FGF13: variants seen among roughly 807,000 people sequenced by gnomAD.
FGF13 encodes the protein fibroblast growth factor 13.
A neutral mutation model predicts 19.5 loss-of-function variants in FGF13; 2 were observed. The ratio of observed to expected loss-of-function variants is 0.10; its 90% CI spans 0.04 to 0.32. FGF13 has a LOEUF of 0.32. Ranked by LOEUF, FGF13 falls within the 10% of genes least tolerant of loss-of-function variation. The pLI, the probability that FGF13 is intolerant of heterozygous loss-of-function variation, is 1.00. For missense variants in FGF13, 113 were observed against 192.7 expected, an observed-to-expected ratio of 0.59 and a Z score of 2.45; for synonymous variants, 72 against 76.9, an observed-to-expected ratio of 0.94 and a Z score of 0.33.
intron 1 of FGF13, among the ~76,000 whole-genome samples, chrX:139,048,035 TC>T (rs1163975617): frequency 9.0e-6 from 1 of 111,312 alleles, no homozygotes; most frequent in East Asian, 2.8e-4. Flanking sequence ...AGATTTTTTT[TC>T]TTTAAAGAAC....
At chrX:139,093,934 T>C (rs989583483) in intron 1 of FGF13, among the ~76,000 whole-genome samples, 1 of 112,192 alleles carries the variant, frequency 8.9e-6, no homozygotes, top group Admixed American at 9.4e-5. Context: ...AGGGTTTTTA[T>C]CTCTATCAAC....
At chrX:139,159,672 A>AAAG (rs1219992690) in intron 1 of FGF13, among the ~76,000 whole-genome samples, 16 of 109,166 alleles carry the variant, frequency 1.5e-4, no homozygotes, top group African/African-American at 4.7e-4. Context: ...AAAAAAAAAA[A>AAAG]CAGTGTGGGT....
chrX:139,024,348 C>T (rs2092192200), intron 1 of FGF13, among the ~76,000 whole-genome samples: 1 of 111,279 alleles, frequency 9.0e-6, no homozygotes, highest in Non-Finnish European at 1.9e-5. Flanking sequence ...GCTCTGGACT[C>T]CAAGAGCTCT....
intron 3 of FGF13, among the ~76,000 whole-genome samples, chrX:138,804,743 T>C (rs907960052): frequency 8.9e-6 from 1 of 112,236 alleles, no homozygotes; most frequent in African/African-American, 3.2e-5. Context: ...TATAAGTATA[T>C]TAAAAAACAG....
chrX:138,644,117 G>A (rs1030747389), intron 3 of FGF13, among the ~76,000 whole-genome samples: 2 of 111,534 alleles, frequency 1.8e-5, no homozygotes, highest in African/African-American at 3.3e-5. Flanking sequence ...AAAATTCAAA[G>A]CTTAGGAGCT....
In FGF13 at chrX:139,057,601, T is replaced by C. The variant is rs1184603016; in HGVS notation, c.-113+145815A>G. Among the ~76,000 whole-genome samples, 22 of 112,125 alleles carry C rather than the reference T, an allele frequency of 2.0e-4. No individual in the cohort carries two copies. In the Admixed American group the frequency reaches 2.1e-3, roughly 11 times the overall value. On this transcript the variant is annotated intron_variant, in intron 1 of 2. Coordinates refer to the FGF13 transcript ENST00000421460. The stretch of plus-strand genomic sequence containing the variant: ...TTGTACATAAATGTTCATAGCACAA[T>C]TATTCATAACCACCACAAAGTAGAA...
intron 1 of FGF13, among the ~76,000 whole-genome samples, chrX:138,973,222 T>C (rs1329257308): frequency 8.9e-6 from 1 of 112,048 alleles, no homozygotes; most frequent in African/African-American, 3.2e-5. Context: ...TTTTCATTTG[T>C]CTCAAGAAAT....
intron 1 of FGF13, among the ~76,000 whole-genome samples, chrX:139,129,154 TACACACACAC>T (rs753541740): frequency 6.4e-5 from 6 of 93,035 alleles, no homozygotes; most frequent in East Asian, 6.9e-4. Flanking sequence ...CATACACACA[TACACACACAC>T]ACACACACAC....
chrX:139,034,722 A>G (rs2124397691), intron 1 of FGF13, among the ~76,000 whole-genome samples: 1 of 111,689 alleles, frequency 9.0e-6, no homozygotes, highest in East Asian at 2.8e-4. Flanking sequence ...TTCTACTCCT[A>G]TTTATTTTCT....
chrX:139,021,324 C>T (rs1173009630), intron 1 of FGF13, among the ~76,000 whole-genome samples: 2 of 109,829 alleles, frequency 1.8e-5, no homozygotes, highest in African/African-American at 6.6e-5. Flanking sequence ...TCAATTTTAC[C>T]AGTAATAAAC....
chrX:139,189,667 G>T (rs1035005342), intron 1 of FGF13, among the ~76,000 whole-genome samples: 1 of 111,750 alleles, frequency 8.9e-6, no homozygotes, highest in African/African-American at 3.3e-5. Context: ...GAGGTTGCAA[G>T]GGACTGGGGT....
At chrX:138,867,364 A>G (rs971396277) in intron 1 of FGF13, among the ~76,000 whole-genome samples, 5 of 111,159 alleles carry the variant, frequency 4.5e-5, no homozygotes, top group African/African-American at 1.6e-4. Context: ...GGCTGCAGTG[A>G]CCTATGATTG....
intron 3 of FGF13, among the ~76,000 whole-genome samples, chrX:138,820,101 T>C (rs987040369): frequency 3.6e-5 from 4 of 112,073 alleles, no homozygotes; most frequent in Admixed American, 2.8e-4. Flanking sequence ...AGGTGGTACA[T>C]AGTATTAAAC....
Position 139,187,933 on chromosome X carries a change from TG to T in FGF13, c.-113+15482del, listed in dbSNP as rs200500806. Among the ~76,000 whole-genome samples the T allele has an allele frequency of 8.3e-3, 932 of 112,207 alleles. 10 individuals carry two copies. Among genetic ancestry groups the T allele is most frequent in the African/African-American group, 0.028 (871 of 30,913 alleles). ...CCGTTCTCTAAGTAAGCCATGTTCT[TG>T]CTCATCACCTAGCTTCTACATGTGC... is the stretch of plus-strand genomic sequence containing the variant. On this transcript the variant is annotated intron_variant, in intron 1 of 2. Transcript: ENST00000421460.
intron 3 of FGF13, among the ~76,000 whole-genome samples, chrX:138,810,901 T>G (rs748388218): frequency 1.2e-3 from 137 of 111,538 alleles, no homozygotes; most frequent in Non-Finnish European, 1.7e-3. Flanking sequence ...TGAGATACCA[T>G]CTCACACCAG....
At chrX:138,984,838 G>C (rs1383324080) in intron 1 of FGF13, among the ~76,000 whole-genome samples, 1 of 76,341 alleles carries the variant, frequency 1.3e-5, no homozygotes, top group African/African-American at 4.2e-5. Context: ...GTGTGTGTGT[G>C]TGTTTTAATT....
chrX:138,995,452 C>T (rs1482777924), intron 1 of FGF13, among the ~76,000 whole-genome samples: 2 of 111,345 alleles, frequency 1.8e-5, no homozygotes, highest in East Asian at 5.7e-4. Flanking sequence ...ATATTTTCTG[C>T]TCCTTTCTCT....
At chrX:139,089,816 T>C (rs1370531517) in intron 1 of FGF13, among the ~76,000 whole-genome samples, 1 of 111,869 alleles carries the variant, frequency 8.9e-6, no homozygotes, top group Non-Finnish European at 1.9e-5. Flanking sequence ...TACTGATAGG[T>C]AATAGTAACA....
intron 1 of FGF13, among the ~76,000 whole-genome samples, chrX:139,166,203 C>A (rs2084083309): frequency 8.9e-6 from 1 of 111,748 alleles, no homozygotes; most frequent in South Asian, 3.8e-4. Flanking sequence ...GTGAGGGACC[C>A]ACTGGGAGGT....
Sources: allele counts gnomAD v4.1 joint callset (sites outside exome capture counted in the v4.1 genomes callset), GRCh38; gene constraint gnomAD v4.1.1; transcripts MANE v1.5; gene names NCBI Gene and HGNC (gene_info 2026-07-23, HGNC 2026-07-21).